The following VIPR2 variants were observed in gnomAD, a reference collection of about 807,000 sequenced individuals.
VIPR2 encodes the protein vasoactive intestinal peptide receptor 2.
A neutral mutation model predicts 58.0 loss-of-function variants in VIPR2; 48 were observed. That is an observed-to-expected ratio of 0.83 (90% CI 0.66 to 1.05). VIPR2 has a LOEUF of 1.05. Ranked by LOEUF, VIPR2 falls within the 50% of genes least tolerant of loss-of-function variation. VIPR2 has a pLI of 0.00. For missense variants in VIPR2, 534 were observed against 558.0 expected (o/e 0.96, Z 0.43); for synonymous variants, 243 against 235.2 (o/e 1.03, Z -0.30).
intron 4 of VIPR2, among the ~76,000 whole-genome samples, chr7:159,080,828 C>A (rs1158884423): frequency 6.6e-6 from 1 of 152,040 alleles, no homozygotes; most frequent in Non-Finnish European, 1.5e-5. Flanking sequence ...CAATAACAGA[C>A]AAACAGAGAG....
Position 159,109,822 on chromosome 7 carries a change from G to T in VIPR2, c.249C>A (p.Tyr83Ter). 1 of 1,614,190 alleles carries T rather than the reference G, an allele frequency of 6.2e-7. No homozygotes were observed. The highest frequency in any genetic ancestry group is 8.5e-7 in the Non-Finnish European group (1 of 1,180,028). ...ACCGACGGACAGTACCTGCTTTGCT[G>T]TAAAAATTGCTGAAGACTTTTGGGC... ...VPCPKVFSNF[Y>*]SKAGNISKNC... is the part of the protein sequence containing the mutation. Residue 83 changes from tyrosine (Y) to a stop codon, truncating the protein, a stop_gained, in exon 3 of 13, where the codon TAC becomes TAA. Transcript: ENST00000262178. LOFTEE classifies it high-confidence loss of function.
chr7:159,052,846 AG>A (rs1563275505), intron 5 of VIPR2, among the ~76,000 whole-genome samples: 1 of 152,244 alleles, frequency 6.6e-6, no homozygotes, highest in African/African-American at 2.4e-5. Context: ...ATGACTAAAA[AG>A]TCTCAGAAAA....
chr7:159,129,673 G>A (rs112175269), intron 2 of VIPR2, among the ~76,000 whole-genome samples: 2 of 97,538 alleles, frequency 2.1e-5, no homozygotes, highest in South Asian at 4.7e-4. Flanking sequence ...CTGGCCTCTG[G>A]GGGGGACAGG....
rs1855548786 is a variant in VIPR2, at chr7:159,060,059, C to T, written c.358-1481G>A. Among the ~76,000 whole-genome samples, 3 of 151,296 alleles carry T rather than the reference C, an allele frequency of 2.0e-5. 1 individual carries two copies. The highest frequency in any genetic ancestry group is 2.0e-4 in the Admixed American group (3 of 15,200). On this transcript the variant is annotated intron_variant, in intron 4 of 12. Coordinates refer to ENST00000262178, the MANE Select transcript of VIPR2 (RefSeq NM_003382.5). ...CACTTCACTTACCCACCACCCTCACCTCACGGAACCCATCTTCACCTCACC... is the reference window on the plus strand; with the variant it reads ...CACTTCACTTACCCACCACCCTCACTTCACGGAACCCATCTTCACCTCACC...
chr7:159,106,511 C>G (rs1858665194), intron 3 of VIPR2, among the ~76,000 whole-genome samples: 1 of 111,278 alleles, frequency 9.0e-6, no homozygotes, highest in Admixed American at 1.0e-4. Context: ...CAGAGAGAGG[C>G]CAAGGAGGGG....
Position 159,031,704 on chromosome 7 carries a change from G to A in VIPR2, c.1143+124C>T. On this transcript the variant is annotated intron_variant, in intron 12 of 12. Transcript: ENST00000262178. The surrounding 1 kb of genome is among the most constrained non-coding windows in gnomAD (Gnocchi z 4.0). ...TCTGATGGGGACACAGAACTGTGGG[G>A]TCCCGGGCAGTAACTCGAGCCCGCG... is the stretch of plus-strand genomic sequence containing the variant. The A allele has an allele frequency of 6.4e-7, 1 of 1,557,172 alleles. No homozygotes were observed. Among genetic ancestry groups the A allele is most frequent in the Non-Finnish European group, 8.6e-7 (1 of 1,157,340 alleles).
At chr7:159,053,531 T>C (rs556945892) in intron 5 of VIPR2, among the ~76,000 whole-genome samples, 20 of 152,216 alleles carry the variant, frequency 1.3e-4, no homozygotes, top group African/African-American at 4.8e-4. Context: ...GAAATTGCAA[T>C]AGAATTTTTG....
intron 2 of VIPR2, among the ~76,000 whole-genome samples, chr7:159,123,062 A>G (rs1796515340): frequency 6.6e-6 from 1 of 152,092 alleles, no homozygotes; most frequent in South Asian, 2.1e-4. Flanking sequence ...TGGGAGGCCG[A>G]GGCGGGCAGA....
rs1248362224 is a variant in VIPR2 at position 159,128,170 on chromosome 7, C to T, written c.151+14276G>A. On this transcript the variant is annotated intron_variant, in intron 2 of 12. Transcript: ENST00000262178. The surrounding 1 kb of genome is among the most constrained non-coding windows in gnomAD (Gnocchi z 4.1). ...GTGACGGGGGTGGGGGGACACCACCCCAGCTTAGTCAGGGCCAGCAGCTGT... is the reference window on the plus strand; with the variant it reads ...GTGACGGGGGTGGGGGGACACCACCTCAGCTTAGTCAGGGCCAGCAGCTGT... Among the ~76,000 whole-genome samples, 1 of 152,114 alleles carries T rather than the reference C, an allele frequency of 6.6e-6. No homozygotes were observed.
chr7:159,142,482 C>A lies in VIPR2; in HGVS notation c.115G>T (p.Ala39Ser). The change falls in exon 2 of 13, where the codon GCA becomes TCA. Residue 39 changes from alanine to serine, a missense_variant. Coordinates refer to ENST00000262178, the MANE Select transcript of VIPR2 (RefSeq NM_003382.5). Reference sequence around the variant, plus strand: ...TCTGTTTGAGACCTCAGAAGCTCTGCACATTTTGTTTCTTCCTCCTGTATT... The same window carrying A: ...TCTGTTTGAGACCTCAGAAGCTCTGAACATTTTGTTTCTTCCTCCTGTATT... ...LEIQEEETKC[A>S]ELLRSQTEKH... 6.2e-7 allele frequency: 1 copy of A among 1,614,024 alleles called. No individual in the cohort carries two copies.
At chr7:159,063,806 C>CGGGGGGCCTGGTGGGGTCT (rs1855885265) in intron 4 of VIPR2, among the ~76,000 whole-genome samples, 1 of 26,010 alleles carries the variant, frequency 3.8e-5, no homozygotes, top group Non-Finnish European at 6.2e-5. Context: ...TGGTGGGGTC[C>CGGGGGGCCTGGTGGGGTCT]GGGGGTCCTG....
intron 4 of VIPR2, among the ~76,000 whole-genome samples, chr7:159,079,339 T>A (rs1161954904): frequency 6.6e-6 from 1 of 152,036 alleles, no homozygotes; most frequent in African/African-American, 2.4e-5. Context: ...CTCAACTACA[T>A]GGAAACTGAA....
chr7:159,144,421 C>A (rs1426220254), intron 1 of VIPR2: 4 of 1,547,754 alleles, frequency 2.6e-6, no homozygotes, highest in Non-Finnish European at 3.5e-6. Flanking sequence ...CGAACGAGCT[C>A]ATCGTTGACG....
rs201145485 is a variant in VIPR2 at position 159,050,354 on chromosome 7, C to A, written c.456-7178G>T. On this transcript the variant is annotated intron_variant, in intron 5 of 12. Transcript: ENST00000262178. Reference sequence around the variant, plus strand: ...TCCATCTCAAAAAAACACAAAAAAACAAAAAAAAAAACAAAAAAAAACAAA... The same window carrying A: ...TCCATCTCAAAAAAACACAAAAAAAAAAAAAAAAAAACAAAAAAAAACAAA... Among the ~76,000 whole-genome samples, 193 of 139,092 alleles carry A rather than the reference C, an allele frequency of 1.4e-3. 5 individuals are homozygous for A. The East Asian group carries it at 0.026, about 18-fold the overall frequency. 91.2% of individuals were successfully genotyped at this position (139,092 alleles called of 152,430 possible).
chr7:159,034,912 C>CG (rs1563256425), intron 8 of VIPR2, among the ~76,000 whole-genome samples: 1 of 152,144 alleles, frequency 6.6e-6, no homozygotes, highest in African/African-American at 2.4e-5. Context: ...GGGCTGCTGA[C>CG]GCCCTCCACT....
intron 4 of VIPR2, among the ~76,000 whole-genome samples, chr7:159,091,455 T>C (rs957221985): frequency 2.2e-4 from 33 of 152,326 alleles, no homozygotes; most frequent in African/African-American, 7.5e-4. Context: ...TAATTTATGC[T>C]ATTTGGTGTG....
intron 4 of VIPR2, among the ~76,000 whole-genome samples, chr7:159,090,098 C>A (rs113661091): frequency 0.063 from 7,256 of 115,756 alleles, 326 homozygotes; most frequent in African/African-American, 0.2. Flanking sequence ...GGGGCCACCT[C>A]TTGTGACCAT....
intron 1 of VIPR2, among the ~76,000 whole-genome samples, chr7:159,144,075 C>T (rs1797587583): frequency 6.6e-6 from 1 of 152,262 alleles, no homozygotes. Context: ...GCTTCAGTCT[C>T]CAAGAGGAAA....
intron 6 of VIPR2, among the ~76,000 whole-genome samples, chr7:159,039,605 C>G (rs7455207): frequency 4.9e-4 from 6 of 12,250 alleles, no homozygotes; most frequent in South Asian, 2.6e-3. Flanking sequence ...TAGTGGGTGG[C>G]GCTTTGCGAT....
Sources: allele counts gnomAD v4.1 joint callset (sites outside exome capture counted in the v4.1 genomes callset), GRCh38; gene constraint gnomAD v4.1.1; non-coding constraint Gnocchi (gnomAD v3.1); transcripts MANE v1.5; gene names NCBI Gene and HGNC (gene_info 2026-07-23, HGNC 2026-07-21).